VIPAS39: variants seen among roughly 807,000 people sequenced by gnomAD.
The protein encoded by VIPAS39 is spermatogenesis-defective protein 39 homolog.
VIPAS39 carries 63 observed loss-of-function variants against 84.7 expected under a neutral mutation model. The ratio of observed to expected loss-of-function variants is 0.74; its 90% CI spans 0.61 to 0.92. The LOEUF is 0.92. VIPAS39 is among the 40% of genes least tolerant of loss of function. The pLI, the probability that VIPAS39 is intolerant of heterozygous loss-of-function variation, is 0.00. For synonymous variants in VIPAS39, 192 were observed against 216.5 expected (o/e 0.89, Z 0.99); for missense variants, 499 against 604.5 (o/e 0.83, Z 1.83).
chr14:77,443,944 G>A (rs2078743863), intron 8 of VIPAS39, among the ~76,000 whole-genome samples: 1 of 151,290 alleles, frequency 6.6e-6, no homozygotes, highest in Admixed American at 6.6e-5. Context: ...GGGGACCTGA[G>A]GTGAGAGGAT....
intron 4 of VIPAS39, among the ~76,000 whole-genome samples, chr14:77,450,275 T>C (rs1425036405): frequency 1.3e-5 from 2 of 152,248 alleles, no homozygotes; most frequent in Non-Finnish European, 2.9e-5. Context: ...TCAAGGATCA[T>C]CCATATGGCA....
intron 7 of VIPAS39, among the ~76,000 whole-genome samples, chr14:77,447,787 A>C (rs755927581): frequency 6.6e-6 from 1 of 152,100 alleles, no homozygotes; most frequent in Non-Finnish European, 1.5e-5. Flanking sequence ...CAGCCTCCCG[A>C]GTAGCTGGGA....
chr14:77,454,022 A>G lies in VIPAS39; in HGVS notation c.81T>C (p.Asp27=), dbSNP rs755415475. 1 of 1,612,102 alleles carries G rather than the reference A, an allele frequency of 6.2e-7. No homozygotes were observed. The highest frequency in any genetic ancestry group is 8.5e-7 in the Non-Finnish European group (1 of 1,178,104). ...GCAGTTGACCTACCTGTGAAAGCTC[A>G]TCGTCTTCATCGTCAAAGGTAAAAG... ...FKAFTFDDED[D]ELSQLKESKR... is the part of the protein sequence containing the mutation. Residue 27 remains aspartate (D), a synonymous_variant, in exon 2 of 20, where the codon GAT becomes GAC. Transcript: ENST00000557658.
intron 14 of VIPAS39, among the ~76,000 whole-genome samples, chr14:77,434,924 A>G (rs1330009168): frequency 6.6e-6 from 1 of 151,922 alleles, no homozygotes; most frequent in East Asian, 1.9e-4. Context: ...AAAAGTATCC[A>G]TAGCTACTTG....
At chr14:77,444,446 G>T in intron 7 of VIPAS39, 105 bp from the exon 8 acceptor site, 1 of 1,032,800 alleles carries the variant, frequency 9.7e-7, no homozygotes, top group Non-Finnish European at 1.4e-6. Context: ...TGTCCCCAAG[G>T]AGAGTCTCTT....
intron 12 of VIPAS39, 120 bp downstream of exon 12, chr14:77,437,688 G>T: frequency 1.9e-6 from 2 of 1,035,060 alleles, no homozygotes; most frequent in African/African-American, 1.6e-5. Flanking sequence ...CCTGAATGAT[G>T]CTGGTATGAT....
In VIPAS39 at chr14:77,453,908, T is replaced by C. The variant is rs2078921128; in HGVS notation, c.93+102A>G. 7 of 1,069,668 alleles carry C rather than the reference T, an allele frequency of 6.5e-6. No individual in the cohort carries two copies. In the Admixed American group the frequency reaches 1.3e-4, roughly 20 times the overall value. 66.3% of individuals were successfully genotyped at this position (1,069,668 alleles called of 1,614,324 possible). A position where few individuals can be genotyped will look rare whatever the true frequency, so the allele number is the denominator to read the frequency against. On this transcript the variant is annotated intron_variant, in intron 2 of 19. Transcript: ENST00000557658. ...CCTTCTGGCTCTTTTCTGAGCCTAA[T>C]GAAGACATACATGGTCAAAAGCCTA... is the stretch of plus-strand genomic sequence containing the variant.
chr14:77,457,474 A>T lies in VIPAS39; in HGVS notation c.-1+21T>A, dbSNP rs151172490. Reference sequence around the variant, plus strand: ...TGGATCCAGCCAGATACGCGACCCAAGGGGCTTGGGACACCCTCACCTCTT... The same window carrying T: ...TGGATCCAGCCAGATACGCGACCCATGGGGCTTGGGACACCCTCACCTCTT... On this transcript the variant is annotated intron_variant, in intron 1 of 19. Transcript: ENST00000557658. The T allele has an allele frequency of 4.9e-6, 7 of 1,420,676 alleles. No homozygotes were observed. The African/African-American group carries it at 5.7e-5, about 11-fold the overall frequency. 88.0% of individuals were successfully genotyped at this position (1,420,676 alleles called of 1,614,324 possible).
chr14:77,447,269 C>T (rs995714657), intron 7 of VIPAS39, among the ~76,000 whole-genome samples: 1 of 151,854 alleles, frequency 6.6e-6, no homozygotes, highest in African/African-American at 2.4e-5. Flanking sequence ...AGGTGATCTG[C>T]CTGTCTTGGC....
At position 77,435,414 on chromosome 14, in the gene VIPAS39, T is replaced by TAAAA; in HGVS notation, c.913-22_913-21insTTTT. On this transcript the variant is annotated intron_variant, in intron 13 of 19. Transcript: ENST00000557658. ...TTTGCCTGTGGTGGAGTGAGCCAAG[T>TAAAA]GAAAAAAAAAAAAAACAATGTCCAT... 4.4e-5 allele frequency: 39 copies of TAAAA among 891,314 alleles called. No homozygotes were observed. The Admixed American group carries it at 5.1e-4, about 12-fold the overall frequency. 55.2% of individuals were successfully genotyped at this position (891,314 alleles called of 1,614,324 possible). A position where few individuals can be genotyped will look rare whatever the true frequency, so the allele number is the denominator to read the frequency against.
intron 7 of VIPAS39, among the ~76,000 whole-genome samples, chr14:77,445,194 C>T (rs757027386): frequency 6.6e-4 from 100 of 152,138 alleles, no homozygotes; most frequent in Non-Finnish European, 1.1e-3. Flanking sequence ...CTCCTGACCC[C>T]GTGATCCACC....
At chr14:77,451,468 G>T in intron 3 of VIPAS39, 135 bp from the exon 4 acceptor site, 1 of 1,285,792 alleles carries the variant, frequency 7.8e-7, no homozygotes, top group South Asian at 1.2e-5. Context: ...AGAAAAGATA[G>T]AATCAAATAG....
chr14:77,437,667 C>G, intron 12 of VIPAS39, 141 bp downstream of exon 12: 1 of 842,554 alleles, frequency 1.2e-6, no homozygotes, highest in South Asian at 1.5e-5. Flanking sequence ...AACACCACTG[C>G]ATGAGGTGAC....
At chr14:77,441,209 T>C (rs1040290007) in intron 10 of VIPAS39, 116 bp from the exon 11 acceptor site, 7 of 1,113,384 alleles carry the variant, frequency 6.3e-6, no homozygotes, top group Non-Finnish European at 9.4e-6. Context: ...TTTCCCTCTA[T>C]ACACAAGATA....
chr14:77,429,021 A>G lies in VIPAS39; in HGVS notation c.1341T>C (p.His447=). ...KLNLATKFKC[H]DVVIDTYRDL... ...GGGGACTCACATCAATGACGACATC[A>G]TGGCACTTGAACTTAGTGGCTAAGT... is the stretch of plus-strand genomic sequence containing the variant. Residue 447 remains histidine, a synonymous_variant, in exon 18 of 20, where the codon CAT becomes CAC. Transcript: ENST00000557658. The G allele has an allele frequency of 6.2e-7, 1 of 1,613,960 alleles. No homozygotes were observed.
intron 2 of VIPAS39, 72 bp downstream of exon 2, chr14:77,453,937 AC>A: frequency 7.0e-7 from 1 of 1,436,328 alleles, no homozygotes; most frequent in Non-Finnish European, 9.8e-7. Flanking sequence ...AAGCCTAGTT[AC>A]CCAGAATGCA....
chr14:77,433,389 C>T (rs1329325025), intron 16 of VIPAS39, among the ~76,000 whole-genome samples: 2 of 152,088 alleles, frequency 1.3e-5, no homozygotes, highest in Admixed American at 6.5e-5. Context: ...TCAGTAGAGA[C>T]GGGGTTTCAC....
At chr14:77,434,374 T>C in intron 14 of VIPAS39, 71 bp from the exon 15 acceptor site, 1 of 1,418,842 alleles carries the variant, frequency 7.0e-7, no homozygotes, top group Non-Finnish European at 1.0e-6. Context: ...TCTCATTTTC[T>C]TTCCCACTAC....
At chr14:77,454,932 T>C (rs559862942) in intron 1 of VIPAS39, among the ~76,000 whole-genome samples, 21 of 150,936 alleles carry the variant, frequency 1.4e-4, no homozygotes, top group African/African-American at 5.2e-4. Context: ...CTACAGTGAA[T>C]GAACAAATAT....
Sources: allele counts gnomAD v4.1 joint callset (sites outside exome capture counted in the v4.1 genomes callset), GRCh38; gene constraint gnomAD v4.1.1; transcripts MANE v1.5; gene names NCBI Gene and HGNC (gene_info 2026-07-23, HGNC 2026-07-21).